Variants in CA1 observed in about 807,000 individuals in gnomAD.
CA1 encodes carbonic anhydrase 1.
CA1 carries 27 observed loss-of-function variants against 28.8 expected under a neutral mutation model. That is an observed-to-expected ratio of 0.94 (90% confidence interval 0.69 to 1.29). The LOEUF (loss-of-function observed/expected upper bound fraction) is 1.29. Ranked by LOEUF, CA1 falls within the 50% of genes most tolerant of loss-of-function variation. CA1 has a pLI of 0.00. For synonymous variants in CA1, 121 were observed against 108.8 expected, an observed-to-expected ratio of 1.11 and a Z score of -0.70; for missense variants, 335 against 310.5, an observed-to-expected ratio of 1.08 and a Z score of -0.59.
intron 1 of CA1, among the ~76,000 whole-genome samples, chr8:85,345,039 T>C (rs1478977606): frequency 6.6e-6 from 1 of 152,174 alleles, no homozygotes; most frequent in Non-Finnish European, 1.5e-5. Flanking sequence ...AATGGTGATA[T>C]TAGCCTGGAC....
At chr8:85,357,149 G>GGCCC in intron 1 of CA1, among the ~76,000 whole-genome samples, 1 of 152,298 alleles carries the variant, frequency 6.6e-6, no homozygotes, top group East Asian at 1.9e-4. Flanking sequence ...GGTCAGGTTA[G>GGCCC]GCCCACAGGT....
chr8:85,347,217 A>T (rs1809226905), intron 1 of CA1, among the ~76,000 whole-genome samples: 1 of 152,206 alleles, frequency 6.6e-6, no homozygotes, highest in African/African-American at 2.4e-5. Flanking sequence ...AGTGGTTCCC[A>T]ATGTATGGTT....
At chr8:85,333,730 AAACTTATGTG>A (rs1332589619) in intron 4 of CA1, 110 bp from the exon 5 acceptor site, 7 of 715,300 alleles carry the variant, frequency 9.8e-6, no homozygotes, top group Admixed American at 6.1e-5. Context: ...TAGATACATA[AAACTTATGTG>A]AACCTTTATC....
chr8:85,346,637 C>T lies in CA1; in HGVS notation c.-24-4978G>A, dbSNP rs527677654. 1.1e-4 allele frequency among the ~76,000 whole-genome samples: 17 copies of T among 152,198 alleles called. No individual in the cohort carries two copies. In the South Asian group the frequency reaches 2.3e-3, roughly 20 times the overall value. On this transcript the variant is annotated intron_variant, in intron 1 of 7. Transcript: ENST00000523022. ...ATTAGCCAGGCGTGATGGTAGGCAC[C>T]TGTAATCCTAGCTACTCGGGAGGCT...
intron 1 of CA1, among the ~76,000 whole-genome samples, chr8:85,370,227 T>C (rs1293994305): frequency 6.6e-6 from 1 of 152,232 alleles, no homozygotes; most frequent in Non-Finnish European, 1.5e-5. Context: ...TTATTTGTAC[T>C]GTTTTTCCTT....
In CA1 at chr8:85,333,590, A is replaced by G; in HGVS notation, c.385T>C (p.Tyr129His). Residue 129 changes from tyrosine to histidine, a missense_variant, in exon 5 of 8, where the codon TAC becomes CAC. Transcript: ENST00000523022. ...LHVAHWNSAK[Y>H]SSLAEAASKA... The stretch of plus-strand genomic sequence containing the variant: ...GAGGCAGCTTCAGCAAGGCTGGAGT[A>G]CTTTGCAGAATTCCAGTGAGCTACG... 4 of 1,612,350 alleles carry G rather than the reference A, an allele frequency of 2.5e-6. No homozygotes were observed. The highest frequency in any genetic ancestry group is 3.4e-6 in the Non-Finnish European group (4 of 1,178,692).
chr8:85,358,420 C>T (rs145151687), intron 1 of CA1, among the ~76,000 whole-genome samples: 1 of 152,222 alleles, frequency 6.6e-6, no homozygotes, highest in East Asian at 1.9e-4. Flanking sequence ...TCTAGTTTTG[C>T]ATGTATTTAT....
At chr8:85,351,384 A>G (rs1274487686) in intron 1 of CA1, among the ~76,000 whole-genome samples, 2 of 152,258 alleles carry the variant, frequency 1.3e-5, no homozygotes, top group African/African-American at 2.4e-5. Context: ...TAGTAAGGAA[A>G]AAAGGAATCA....
At chr8:85,348,031 ATATAT>A (rs781398412) in intron 1 of CA1, among the ~76,000 whole-genome samples, 1 of 152,204 alleles carries the variant, frequency 6.6e-6, no homozygotes, top group Non-Finnish European at 1.5e-5. Flanking sequence ...TTTCCAGGTA[ATATAT>A]TAAAAACATA....
intron 1 of CA1, among the ~76,000 whole-genome samples, chr8:85,348,902 G>T (rs1247288425): frequency 1.3e-5 from 2 of 152,154 alleles, no homozygotes; most frequent in African/African-American, 4.8e-5. Context: ...GTGGGCTATG[G>T]TTGAAACTTT....
chr8:85,353,583 C>T (rs1161891596), intron 1 of CA1, among the ~76,000 whole-genome samples: 3 of 152,058 alleles, frequency 2.0e-5, no homozygotes, highest in Non-Finnish European at 4.4e-5. Context: ...TATTACTATA[C>T]AAAGAGTAAT....
chr8:85,357,852 GTA>G (rs2130325602), intron 1 of CA1, among the ~76,000 whole-genome samples: 1 of 152,334 alleles, frequency 6.6e-6, no homozygotes, highest in South Asian at 2.1e-4. Flanking sequence ...ACAGGCAAAT[GTA>G]GTCTGGGCCC....
At chr8:85,375,532 A>AT (rs1019769579) in intron 1 of CA1, among the ~76,000 whole-genome samples, 1 of 150,838 alleles carries the variant, frequency 6.6e-6, no homozygotes, top group African/African-American at 2.4e-5. Flanking sequence ...AAAAAAAAAG[A>AT]TTAGAACAAA....
chr8:85,338,216 G>C, intron 3 of CA1, 36 bp downstream of exon 3: 1 of 1,552,048 alleles, frequency 6.4e-7, no homozygotes, highest in East Asian at 2.2e-5. Flanking sequence ...CCAGTAGACT[G>C]TAAGAAAAAA....
intron 1 of CA1, among the ~76,000 whole-genome samples, chr8:85,344,219 ATTATATACAGTATAT>A (rs1809056424): frequency 1.5e-5 from 1 of 64,658 alleles, no homozygotes; most frequent in Non-Finnish European, 2.7e-5. Flanking sequence ...ATATAATTAT[ATTATATACAGTATAT>A]AATATATAAT....
intron 2 of CA1, chr8:85,341,389 C>A: frequency 2.2e-6 from 1 of 457,252 alleles, no homozygotes; most frequent in Non-Finnish European, 3.9e-6. Context: ...CTGAGGTATG[C>A]CTGTATATAT....
intron 1 of CA1, among the ~76,000 whole-genome samples, chr8:85,362,392 T>C (rs1428913379): frequency 2.0e-5 from 3 of 152,290 alleles, no homozygotes; most frequent in Non-Finnish European, 2.9e-5. Flanking sequence ...GGGCCAATTA[T>C]TTAGCCTACT....
At position 85,338,326 on chromosome 8, in the gene CA1, G is replaced by C; in HGVS notation, c.161C>G (p.Pro54Arg). The C allele has an allele frequency of 6.2e-7, 1 of 1,613,930 alleles. No homozygotes were observed. The highest frequency in any genetic ancestry group is 8.5e-7 in the Non-Finnish European group (1 of 1,179,828). Residue 54 changes from proline (P) to arginine (R), a missense_variant, in exon 3 of 8, where the codon CCA becomes CGA. Pro to Arg is a moderately radical substitution (Grantham distance 103, BLOSUM62 -2). Coordinates refer to ENST00000523022, the MANE Select transcript of CA1 (RefSeq NM_001128831.4). ...SLKPISVSYN[P>R]ATAKEIINVG... ...ATTGATAATTTCTTTGGCTGTGGCT[G>C]GGTTGTAGGAGACACTAATAGGTTT...
At chr8:85,340,816 C>A (rs1808881834) in intron 2 of CA1, among the ~76,000 whole-genome samples, 1 of 152,158 alleles carries the variant, frequency 6.6e-6, no homozygotes, top group African/African-American at 2.4e-5. Flanking sequence ...AGTCAGCAGT[C>A]ATCCACACTG....
Sources: allele counts gnomAD v4.1 joint callset (sites outside exome capture counted in the v4.1 genomes callset), GRCh38; gene constraint gnomAD v4.1.1; transcripts MANE v1.5; gene names NCBI Gene and HGNC (gene_info 2026-07-23, HGNC 2026-07-21).